The following RPS6KA2 variants were observed in gnomAD, a reference collection of about 807,000 sequenced individuals.
RPS6KA2 encodes ribosomal protein S6 kinase alpha-2.
RPS6KA2 carries 42 observed loss-of-function variants against 91.8 expected under a neutral mutation model. That is an observed-to-expected ratio of 0.46 (90% confidence interval 0.36 to 0.59). The LOEUF is 0.59. RPS6KA2 is among the 20% of genes least tolerant of loss of function. The pLI is 0.00. For missense variants in RPS6KA2, 798 were observed against 978.5 expected, an observed-to-expected ratio of 0.82 and a Z score of 2.46; for synonymous variants, 414 against 393.6, an observed-to-expected ratio of 1.05 and a Z score of -0.61.
chr6:166,522,474 G>T (rs1782891747), intron 3 of RPS6KA2, among the ~76,000 whole-genome samples: 1 of 152,210 alleles, frequency 6.6e-6, no homozygotes, highest in Non-Finnish European at 1.5e-5. Flanking sequence ...GGCAGTCAGA[G>T]GCTCGATGAT....
intron 14 of RPS6KA2, among the ~76,000 whole-genome samples, chr6:166,447,380 A>G (rs1474379987): frequency 2.0e-5 from 3 of 152,172 alleles, no homozygotes; most frequent in Non-Finnish European, 4.4e-5. Context: ...TCACAAATTG[A>G]TTATTTCTCC....
At chr6:166,746,245 T>C (rs1050998666) in intron 2 of RPS6KA2, among the ~76,000 whole-genome samples, 1 of 152,212 alleles carries the variant, frequency 6.6e-6, no homozygotes, top group Non-Finnish European at 1.5e-5. Flanking sequence ...TCTGAGCTCC[T>C]GCACCCCTGC....
rs183238885 is a variant in RPS6KA2, at chr6:166,738,084, T to A, written c.123+120116A>T. ...CTGTCCCATGACCTGCCTTTTGCAT[T>A]TAGTACATGTGGATATTTCTTCCCT... is the stretch of plus-strand genomic sequence containing the variant. On this transcript the variant is annotated intron_variant, in intron 2 of 21. Transcript: ENST00000503859. Among the ~76,000 whole-genome samples, 33 of 152,334 alleles carry A rather than the reference T, an allele frequency of 2.2e-4. No individual in the cohort carries two copies. In the East Asian group the frequency reaches 4.2e-3, roughly 20 times the overall value.
intron 2 of RPS6KA2, among the ~76,000 whole-genome samples, chr6:166,833,363 G>A (rs1041388661): frequency 6.6e-6 from 1 of 152,198 alleles, no homozygotes; most frequent in African/African-American, 2.4e-5. Context: ...ATTTGAAACT[G>A]TAACTCCCTA....
intron 2 of RPS6KA2, chr6:166,702,090 G>C: frequency 7.1e-7 from 1 of 1,415,512 alleles, no homozygotes; most frequent in Admixed American, 1.7e-5. Flanking sequence ...GGAGTAGAGA[G>C]GATAGTAATC....
intron 2 of RPS6KA2, among the ~76,000 whole-genome samples, chr6:166,776,415 G>A (rs1778621190): frequency 6.6e-6 from 1 of 152,174 alleles, no homozygotes; most frequent in Admixed American, 6.5e-5. Context: ...TTGTTTTTGT[G>A]TTTTAATTTT....
intron 2 of RPS6KA2, among the ~76,000 whole-genome samples, chr6:166,649,412 CT>C (rs1787779474): frequency 6.6e-6 from 1 of 152,206 alleles, no homozygotes; most frequent in Non-Finnish European, 1.5e-5. Flanking sequence ...TAACTAGAAT[CT>C]GTTTCCGGGT....
Position 166,483,566 on chromosome 6 carries a change from G to A in RPS6KA2, c.907+5267C>T, listed in dbSNP as rs536407477. On this transcript the variant is annotated intron_variant, in intron 10 of 20. Transcript: ENST00000265678. ...TGAAGACCAAAAATGTCGTGCTAACGAAGAATGAGAAGAGCAGGGCCTTTT... is the reference window on the plus strand; with the variant it reads ...TGAAGACCAAAAATGTCGTGCTAACAAAGAATGAGAAGAGCAGGGCCTTTT... 5.9e-5 allele frequency among the ~76,000 whole-genome samples: 9 copies of A among 152,366 alleles called. No homozygotes were observed. The South Asian group carries it at 6.2e-4, about 11-fold the overall frequency.
At chr6:166,829,778 G>A (rs1008587754) in intron 2 of RPS6KA2, among the ~76,000 whole-genome samples, 3 of 151,914 alleles carry the variant, frequency 2.0e-5, no homozygotes, top group Non-Finnish European at 2.9e-5. Context: ...AATGTGATGT[G>A]TATATACCTA....
rs1045115522 is a variant in RPS6KA2, at chr6:166,639,271, G to A, written c.124-100487C>T. 1.3e-5 allele frequency among the ~76,000 whole-genome samples: 2 copies of A among 152,102 alleles called. No homozygotes were observed. Among genetic ancestry groups the A allele is most frequent in the Admixed American group, 1.3e-4 (2 of 15,278 alleles). ...CCCAAACCAGAAGGTAAGACTTACC[G>A]TGACCTCCTGACACGTCCTTATTCC... On this transcript the variant is annotated intron_variant, in intron 2 of 21. Transcript: ENST00000503859. This position sits in a 1 kb window ranked among gnomAD's most constrained non-coding sequence, Gnocchi z 4.2.
intron 2 of RPS6KA2, among the ~76,000 whole-genome samples, chr6:166,797,309 GT>G (rs35809584): frequency 4.5e-4 from 66 of 146,948 alleles, no homozygotes; most frequent in East Asian, 1.4e-3. Context: ...TTCCAGAAAT[GT>G]TTTTTTTTTT....
At chr6:166,465,808 G>A (rs963268699) in intron 11 of RPS6KA2, among the ~76,000 whole-genome samples, 2 of 152,228 alleles carry the variant, frequency 1.3e-5, no homozygotes, top group African/African-American at 2.4e-5. Flanking sequence ...ACGGGGCTCT[G>A]CGTTCCAGCT....
intron 11 of RPS6KA2, chr6:166,463,147 T>TAAAC (rs1426074116): frequency 6.6e-6 from 1 of 152,268 alleles, no homozygotes; most frequent in Non-Finnish European, 1.5e-5. Flanking sequence ...TGATGCTGCG[T>TAAAC]AAACATTTGG....
rs1787716057 is a variant in RPS6KA2 at position 166,648,152 on chromosome 6, T to TTA, written c.124-109370_124-109369dup. On this transcript the variant is annotated intron_variant, in intron 2 of 21. Transcript: ENST00000503859. This position sits in a 1 kb window ranked among gnomAD's most constrained non-coding sequence, Gnocchi z 4.8. ...CACATACATGCACACACGCACATGG[T>TTA]TACACACCCATGCACACATGCTCAC... is the stretch of plus-strand genomic sequence containing the variant. Among the ~76,000 whole-genome samples, 1 of 100,438 alleles carries TTA rather than the reference T, an allele frequency of 1.0e-5. No individual in the cohort carries two copies. The highest frequency in any genetic ancestry group is 2.0e-5 in the Non-Finnish European group (1 of 50,978). 65.9% of individuals were successfully genotyped at this position (100,438 alleles called of 152,430 possible).
chr6:166,469,936 C>A, intron 10 of RPS6KA2, 31 bp from the exon 11 acceptor site: 1 of 1,592,208 alleles, frequency 6.3e-7, no homozygotes, highest in Non-Finnish European at 8.6e-7. Context: ...ATCATCAGAA[C>A]AAATCCAAGA....
intron 2 of RPS6KA2, among the ~76,000 whole-genome samples, chr6:166,638,696 G>A (rs1460718773): frequency 6.6e-6 from 1 of 152,164 alleles, no homozygotes; most frequent in Non-Finnish European, 1.5e-5. Flanking sequence ...TGGTTCTGGG[G>A]CGGTAGAGGA....
chr6:166,550,909 C>G (rs1451456808), intron 1 of RPS6KA2, among the ~76,000 whole-genome samples: 67 of 148,596 alleles, frequency 4.5e-4, no homozygotes, highest in Admixed American at 2.4e-3. Context: ...GCTGAGGCAG[C>G]GGAATCGCTT....
At position 166,849,560 on chromosome 6, in the gene RPS6KA2, C is replaced by G. The variant is rs184784223; in HGVS notation, c.123+8640G>C. On this transcript the variant is annotated intron_variant, in intron 2 of 21. Transcript: ENST00000503859. The surrounding 1 kb of genome is among the most constrained non-coding windows in gnomAD (Gnocchi z 4.9). ...CACGCGTGTAGCTGACAGTGGAGGA[C>G]CCCAGGCCACCCCCGCCCGTGGAAA... Among the ~76,000 whole-genome samples, 1,540 of 152,180 alleles carry G rather than the reference C, an allele frequency of 0.01. 21 individuals are homozygous for G. The highest frequency in any genetic ancestry group is 0.012 in the Non-Finnish European group (788 of 68,000).
At chr6:166,573,671 A>G in intron 1 of RPS6KA2, among the ~76,000 whole-genome samples, 1 of 152,040 alleles carries the variant, frequency 6.6e-6, no homozygotes, top group South Asian at 2.1e-4. Flanking sequence ...ACTTACTCCC[A>G]TTGACTGCCA....
Sources: gnomAD v4.1 joint callset for allele counts (sites outside exome capture counted in the v4.1 genomes callset) on GRCh38, gnomAD v4.1.1 for gene constraint, Gnocchi (gnomAD v3.1) non-coding constraint, MANE v1.5 for transcripts, NCBI Gene and HGNC (gene_info 2026-07-23, HGNC 2026-07-21) for gene names.